PHACTR4: variants seen among roughly 807,000 people sequenced by gnomAD.
PHACTR4 encodes the protein protein phosphatase 1, regulatory subunit 124.
Under a neutral mutation model 72.7 loss-of-function variants are expected in PHACTR4, and 51 were observed. That is an observed-to-expected ratio of 0.70 (90% CI 0.56 to 0.89). The LOEUF is 0.89. Among genes scored for constraint, PHACTR4 ranks in the 40% least tolerant of loss-of-function variants. The pLI is 0.00. For synonymous variants in PHACTR4, 255 were observed against 302.5 expected (o/e 0.84, Z 1.63); for missense variants, 731 against 861.8 (o/e 0.85, Z 1.90).
intron 2 of PHACTR4, among the ~76,000 whole-genome samples, chr1:28,452,330 A>AC (rs1273758693): frequency 5.3e-5 from 8 of 152,006 alleles, no homozygotes; most frequent in African/African-American, 1.2e-4. Context: ...ACATAGTGAG[A>AC]CCCCATCTCT....
At position 28,488,495 on chromosome 1, in the gene PHACTR4, T is replaced by A. The variant is rs549587255; in HGVS notation, c.1761-675T>A. Among the ~76,000 whole-genome samples the A allele has an allele frequency of 5.9e-5, 9 of 152,170 alleles. No homozygotes were observed. The East Asian group carries it at 1.7e-3, about 29-fold the overall frequency. ...CTAGGTGACAGAGCAAGACTCCATC[T>A]CAAAAATAACCTAGCTGGACATAAT... On this transcript the variant is annotated intron_variant, in intron 9 of 13. Transcript: ENST00000373839.
chr1:28,470,991 A>G (rs955268532), intron 6 of PHACTR4, among the ~76,000 whole-genome samples: 1 of 151,156 alleles, frequency 6.6e-6, no homozygotes, highest in African/African-American at 2.4e-5. Context: ...ATGCCACTGC[A>G]CTCCAGTCTG....
chr1:28,438,308 G>A, intron 2 of PHACTR4: 8 of 1,571,916 alleles, frequency 5.1e-6, no homozygotes, highest in South Asian at 2.4e-5. Flanking sequence ...CCCTCTTTAT[G>A]TGGATTTATC....
At chr1:28,411,163 C>T (rs1189110074) in intron 2 of PHACTR4, among the ~76,000 whole-genome samples, 6 of 151,910 alleles carry the variant, frequency 3.9e-5, no homozygotes, top group Non-Finnish European at 8.8e-5. Context: ...TCTCCTGCCT[C>T]AGCCTCCCAA....
intron 2 of PHACTR4, among the ~76,000 whole-genome samples, chr1:28,419,210 C>CT (rs1047959321): frequency 1.3e-5 from 2 of 149,740 alleles, no homozygotes; most frequent in African/African-American, 5.0e-5. Context: ...TCTCGAACTC[C>CT]TGAAATTAAG....
chr1:28,438,325 G>A (rs1656765197), intron 2 of PHACTR4: 2 of 1,584,374 alleles, frequency 1.3e-6, no homozygotes, highest in Middle Eastern at 1.7e-4. Context: ...TATCTTTTAT[G>A]AAAAGTTTGC....
chr1:28,374,342 A>G (rs913759935), intron 1 of PHACTR4, among the ~76,000 whole-genome samples: 6 of 152,242 alleles, frequency 3.9e-5, no homozygotes, highest in African/African-American at 1.4e-4. Flanking sequence ...ATCGGGACTC[A>G]AGAGAATGCT....
At chr1:28,445,043 C>T (rs558282754) in intron 2 of PHACTR4, among the ~76,000 whole-genome samples, 2 of 152,072 alleles carry the variant, frequency 1.3e-5, no homozygotes, top group Admixed American at 6.6e-5. Flanking sequence ...GCAACCTCCA[C>T]CTCTCGGGTT....
intron 10 of PHACTR4, among the ~76,000 whole-genome samples, 193 bp from the exon 11 acceptor site, chr1:28,490,758 G>A (rs142177085): frequency 0.1 from 15,725 of 151,432 alleles, 1,889 homozygotes; most frequent in African/African-American, 0.3. Flanking sequence ...CAGGAGAATC[G>A]CTTGAACTCG....
chr1:28,447,686 T>C (rs72661778), intron 2 of PHACTR4, among the ~76,000 whole-genome samples: 40 of 152,212 alleles, frequency 2.6e-4, no homozygotes, highest in Admixed American at 1.2e-3. Context: ...GTCAGAACAG[T>C]GTGCACATTA....
At chr1:28,489,747 T>C (rs1660917351) in intron 10 of PHACTR4, 2 of 518,698 alleles carry the variant, frequency 3.9e-6, no homozygotes, top group Non-Finnish European at 7.7e-6. Flanking sequence ...CATTCTAATC[T>C]AGTACATATT....
chr1:28,471,851 T>C (rs1400582339), intron 6 of PHACTR4, among the ~76,000 whole-genome samples: 5 of 151,984 alleles, frequency 3.3e-5, no homozygotes, highest in Admixed American at 3.3e-4. Context: ...GCCCATGATA[T>C]AGTGGAGAGT....
At chr1:28,379,990 T>G (rs913953184) in intron 1 of PHACTR4, among the ~76,000 whole-genome samples, 1 of 151,990 alleles carries the variant, frequency 6.6e-6, no homozygotes, top group Non-Finnish European at 1.5e-5. Flanking sequence ...TTTTTAACTT[T>G]TGGACAGACT....
intron 2 of PHACTR4, among the ~76,000 whole-genome samples, chr1:28,443,205 T>C (rs987265510): frequency 6.6e-6 from 1 of 152,172 alleles, no homozygotes; most frequent in African/African-American, 2.4e-5. Context: ...CTAGCTTATT[T>C]AACTTAAAAT....
At chr1:28,423,381 C>T (rs374126106) in intron 2 of PHACTR4, among the ~76,000 whole-genome samples, 3 of 151,462 alleles carry the variant, frequency 2.0e-5, no homozygotes, top group African/African-American at 7.3e-5. Flanking sequence ...TACACTCCAG[C>T]CTGGGCAACA....
At chr1:28,482,952 A>G (rs1010878500) in intron 9 of PHACTR4, among the ~76,000 whole-genome samples, 23 of 150,786 alleles carry the variant, frequency 1.5e-4, no homozygotes, top group Admixed American at 2.0e-4. Flanking sequence ...AAAAAAAAAA[A>G]AGAGACACCT....
At chr1:28,376,376 A>G (rs1274588657) in intron 1 of PHACTR4, among the ~76,000 whole-genome samples, 1 of 151,120 alleles carries the variant, frequency 6.6e-6, no homozygotes, top group Non-Finnish European at 1.5e-5. Context: ...CAGTGACATG[A>G]TCAGGGCTCA....
At chr1:28,467,485 G>A (rs1659267929) in intron 6 of PHACTR4, among the ~76,000 whole-genome samples, 1 of 151,834 alleles carries the variant, frequency 6.6e-6, no homozygotes, top group Admixed American at 6.6e-5. Context: ...GGCACTTGCT[G>A]AAAAATTAGA....
chr1:28,369,899 C>T, intron 1 of PHACTR4, 74 bp downstream of exon 1: 2 of 406,316 alleles, frequency 4.9e-6, no homozygotes, highest in South Asian at 3.5e-5. Flanking sequence ...CAGGCTGCGG[C>T]CCCTTTCTTG....
Sources: gnomAD v4.1 joint callset for allele counts (sites outside exome capture counted in the v4.1 genomes callset) on GRCh38, gnomAD v4.1.1 for gene constraint, MANE v1.5 for transcripts, NCBI Gene and HGNC (gene_info 2026-07-23, HGNC 2026-07-21) for gene names.